Variants in GREM2 observed in about 807,000 individuals in gnomAD.
The protein encoded by GREM2 is gremlin-2.
GREM2 carries 11 observed loss-of-function variants against 14.2 expected under a neutral mutation model. That is an observed-to-expected ratio of 0.78 (90% CI 0.49 to 1.28). The LOEUF is 1.28. Ranked by LOEUF, GREM2 falls within the 50% of genes most tolerant of loss-of-function variation. The pLI is 0.00. For missense variants in GREM2, 210 were observed against 218.5 expected (o/e 0.96, Z 0.24); for synonymous variants, 98 against 97.6 (o/e 1.00, Z -0.02).
intron 1 of GREM2, among the ~76,000 whole-genome samples, chr1:240,591,337 C>T (rs1012911355): frequency 1.3e-5 from 2 of 152,248 alleles, no homozygotes; most frequent in African/African-American, 4.8e-5. Context: ...ACTCAATAAA[C>T]GCTTGTTGAA....
At chr1:240,596,557 C>T (rs1679821679) in intron 1 of GREM2, among the ~76,000 whole-genome samples, 1 of 152,072 alleles carries the variant, frequency 6.6e-6, no homozygotes, top group African/African-American at 2.4e-5. Context: ...ATTAGCCGGT[C>T]ATAGTGACAC....
intron 1 of GREM2, among the ~76,000 whole-genome samples, chr1:240,534,659 C>A (rs1164857056): frequency 1.3e-5 from 2 of 149,850 alleles, no homozygotes; most frequent in African/African-American, 4.9e-5. Context: ...TGCCACTGCA[C>A]TCCAGCCTGG....
chr1:240,584,378 C>T (rs1465212955), intron 1 of GREM2, among the ~76,000 whole-genome samples: 1 of 151,600 alleles, frequency 6.6e-6, no homozygotes, highest in Admixed American at 6.6e-5. Context: ...GCCTGTAATC[C>T]CAGCTACAGG....
chr1:240,546,912 A>G (rs934882768), intron 1 of GREM2, among the ~76,000 whole-genome samples: 4 of 152,258 alleles, frequency 2.6e-5, no homozygotes, highest in Non-Finnish European at 5.9e-5. Context: ...ATAAAAATAC[A>G]TAGCAACATG....
chr1:240,510,493 A>C (rs1224128787), intron 1 of GREM2, among the ~76,000 whole-genome samples: 1 of 151,354 alleles, frequency 6.6e-6, no homozygotes, highest in Non-Finnish European at 1.5e-5. Context: ...ACAGCTCCTT[A>C]ATGAGTACGG....
intron 1 of GREM2, among the ~76,000 whole-genome samples, chr1:240,566,841 AAAAAC>A (rs1283339089): frequency 6.6e-6 from 1 of 152,144 alleles, no homozygotes; most frequent in Non-Finnish European, 1.5e-5. Context: ...ACAAACAAAT[AAAAAC>A]AAAACAAAAC....
intron 1 of GREM2, among the ~76,000 whole-genome samples, chr1:240,554,808 C>A (rs1678921641): frequency 6.6e-6 from 1 of 152,176 alleles, no homozygotes; most frequent in South Asian, 2.1e-4. Flanking sequence ...TTTTCCTCTA[C>A]TTCTCCCCAT....
At chr1:240,497,654 T>G (rs1250982065) in intron 1 of GREM2, among the ~76,000 whole-genome samples, 1 of 151,716 alleles carries the variant, frequency 6.6e-6, no homozygotes, top group East Asian at 1.9e-4. Context: ...AAAAAAAGTT[T>G]TTTTTTTTTT....
chr1:240,565,397 G>T (rs550781490), intron 1 of GREM2, among the ~76,000 whole-genome samples: 1 of 152,228 alleles, frequency 6.6e-6, no homozygotes, highest in East Asian at 1.9e-4. Flanking sequence ...TTCATAAATT[G>T]AAGTGAGGAA....
chr1:240,524,513 C>T (rs1156993329), intron 1 of GREM2, among the ~76,000 whole-genome samples: 1 of 152,158 alleles, frequency 6.6e-6, no homozygotes, highest in Non-Finnish European at 1.5e-5. Flanking sequence ...ATAGATTTTA[C>T]AATAAATGGT....
intron 1 of GREM2, among the ~76,000 whole-genome samples, chr1:240,546,822 C>T: frequency 6.6e-6 from 1 of 152,018 alleles, no homozygotes; most frequent in South Asian, 2.1e-4. Context: ...TAGCATCTTA[C>T]ATGTCAGTAA....
chr1:240,519,149 A>G (rs1486070681), intron 1 of GREM2, among the ~76,000 whole-genome samples: 2 of 147,506 alleles, frequency 1.4e-5, no homozygotes, highest in Admixed American at 6.8e-5. Flanking sequence ...CAATTCACAT[A>G]TTAGTTTAAG....
At chr1:240,512,418 C>T (rs938625142) in intron 1 of GREM2, among the ~76,000 whole-genome samples, 11 of 52,208 alleles carry the variant, frequency 2.1e-4, no homozygotes, top group African/African-American at 1.2e-3. Context: ...AGAATCATTC[C>T]AGAAGTTATA....
chr1:240,530,861 GC>G (rs1209733480), intron 1 of GREM2: 3 of 151,970 alleles, frequency 2.0e-5, no homozygotes, highest in Non-Finnish European at 2.9e-5. Context: ...ACTTTGTCTA[GC>G]AATCAAATGC....
chr1:240,563,731 T>A (rs1238931180), intron 1 of GREM2, among the ~76,000 whole-genome samples: 1 of 152,210 alleles, frequency 6.6e-6, no homozygotes. Context: ...ACCACATATC[T>A]AGATGACATT....
chr1:240,495,247 C>G (rs866820659), intron 1 of GREM2, among the ~76,000 whole-genome samples: 1 of 152,296 alleles, frequency 6.6e-6, no homozygotes, highest in African/African-American at 2.4e-5. Flanking sequence ...TCATCATCAT[C>G]TTTATGTTTA....
intron 1 of GREM2, among the ~76,000 whole-genome samples, chr1:240,512,492 A>T (rs1350053538): frequency 6.8e-5 from 2 of 29,418 alleles, no homozygotes; most frequent in Non-Finnish European, 1.1e-4. Context: ...TGAATTACTT[A>T]TTCATCTTGA....
chr1:240,509,657 T>G (rs184029003), intron 1 of GREM2, among the ~76,000 whole-genome samples: 4 of 151,950 alleles, frequency 2.6e-5, no homozygotes, highest in African/African-American at 7.2e-5. Flanking sequence ...CATGAGCCAC[T>G]GCACCCGGTG....
intron 1 of GREM2, among the ~76,000 whole-genome samples, chr1:240,529,375 T>A (rs1011762593): frequency 6.6e-6 from 1 of 151,774 alleles, no homozygotes; most frequent in Non-Finnish European, 1.5e-5. Context: ...ACCATTTGAA[T>A]GAACATAGAG....
Sources: gnomAD v4.1 joint callset for allele counts (sites outside exome capture counted in the v4.1 genomes callset) on GRCh38, gnomAD v4.1.1 for gene constraint, MANE v1.5 for transcripts, NCBI Gene and HGNC (gene_info 2026-07-23, HGNC 2026-07-21) for gene names.